Variants in EMID1 observed in about 807,000 individuals in gnomAD.
The protein encoded by EMID1 is EMI domain containing 1, also known as EMI domain-containing protein 1.
A neutral mutation model predicts 60.6 loss-of-function variants in EMID1; 40 were observed. That is an observed-to-expected ratio of 0.66 (90% confidence interval 0.51 to 0.86). The LOEUF is 0.86. EMID1 is among the 40% of genes least tolerant of loss of function. The probability of loss-of-function intolerance (pLI) is 0.00; values close to 1 mark genes in which losing one functional copy is unlikely to be tolerated. For synonymous variants in EMID1, 242 were observed against 231.0 expected (o/e 1.05, Z -0.43); for missense variants, 585 against 597.1 (o/e 0.98, Z 0.21).
At chr22:29,210,247 CA>C (rs1243152101) in intron 1 of EMID1, among the ~76,000 whole-genome samples, 1 of 112,354 alleles carries the variant, frequency 8.9e-6, no homozygotes, top group Admixed American at 1.2e-4. Flanking sequence ...ACCCACATGG[CA>C]AATTTTTTTT....
At chr22:29,231,464 C>A in intron 6 of EMID1, 129 bp from the exon 7 acceptor site, 1 of 1,024,022 alleles carries the variant, frequency 9.8e-7, no homozygotes, top group Non-Finnish European at 1.5e-6. Context: ...CCAGGGCTGC[C>A]AGGAGCCATA....
chr22:29,231,270 C>A, intron 6 of EMID1, 130 bp downstream of exon 6: 4 of 1,379,524 alleles, frequency 2.9e-6, no homozygotes, highest in Non-Finnish European at 3.9e-6. Context: ...CTTCCCATTT[C>A]CCGTTTCTTA....
At chr22:29,226,603 A>G (rs2040520092) in intron 5 of EMID1, 52 bp downstream of exon 5, 3 of 1,567,168 alleles carry the variant, frequency 1.9e-6, no homozygotes, top group South Asian at 1.2e-5. Flanking sequence ...AGGCCAGTCC[A>G]GGCAACCACC....
intron 3 of EMID1, among the ~76,000 whole-genome samples, chr22:29,223,776 T>C (rs1402514994): frequency 1.3e-5 from 2 of 152,218 alleles, no homozygotes; most frequent in Non-Finnish European, 2.9e-5. Context: ...TCAGTTTCCC[T>C]ACCTGGAAAG....
intron 1 of EMID1, among the ~76,000 whole-genome samples, chr22:29,206,432 G>C (rs1369407113): frequency 2.0e-5 from 3 of 152,232 alleles, no homozygotes; most frequent in Non-Finnish European, 4.4e-5. Context: ...CCTGTCCCTA[G>C]GGCCCCTCCC....
chr22:29,244,840 G>A lies in EMID1; in HGVS notation c.1119+1351G>A, dbSNP rs113697011. Among the ~76,000 whole-genome samples, 1,448 of 152,184 alleles carry A rather than the reference G, an allele frequency of 9.5e-3. 13 individuals carry two copies. The highest frequency in any genetic ancestry group is 0.02 in the Middle Eastern group (6 of 294). Reference sequence around the variant, plus strand: ...ACCATCACTGACAGGGGAGACATCTGGAAAATGGACAGAGTGGAGGCAGAC... The same window carrying A: ...ACCATCACTGACAGGGGAGACATCTAGAAAATGGACAGAGTGGAGGCAGAC... On this transcript the variant is annotated intron_variant, in intron 13 of 14. Coordinates refer to ENST00000334018, the MANE Select transcript of EMID1 (RefSeq NM_133455.4).
chr22:29,242,112 T>C (rs1037826574), intron 12 of EMID1, among the ~76,000 whole-genome samples: 27 of 152,124 alleles, frequency 1.8e-4, no homozygotes, highest in African/African-American at 5.8e-4. Flanking sequence ...TCATTTTTAG[T>C]AGAAATGGGG....
chr22:29,211,337 G>A (rs965108101), intron 1 of EMID1, among the ~76,000 whole-genome samples: 1 of 152,226 alleles, frequency 6.6e-6, no homozygotes, highest in Non-Finnish European at 1.5e-5. Flanking sequence ...GCCTTAGCCT[G>A]TCTGTGTGCG....
At chr22:29,233,345 C>T (rs1601978189) in intron 8 of EMID1, 34 bp from the exon 9 acceptor site, 1 of 1,610,936 alleles carries the variant, frequency 6.2e-7, no homozygotes. Flanking sequence ...CCACTCTACC[C>T]AGCTCTACTC....
At chr22:29,242,506 G>T (rs1368080865) in intron 12 of EMID1, among the ~76,000 whole-genome samples, 4 of 152,044 alleles carry the variant, frequency 2.6e-5, no homozygotes, top group Non-Finnish European at 5.9e-5. Flanking sequence ...GTCGGCTGTG[G>T]ATCTATTTCT....
intron 8 of EMID1, chr22:29,233,115 A>G (rs902293109): frequency 2.7e-5 from 14 of 520,142 alleles, no homozygotes; most frequent in Non-Finnish European, 4.2e-5. Flanking sequence ...GACAGGTGAC[A>G]GTACAGGCTC....
At chr22:29,218,907 C>T (rs1284979876) in intron 3 of EMID1, among the ~76,000 whole-genome samples, 3 of 152,202 alleles carry the variant, frequency 2.0e-5, no homozygotes, top group Non-Finnish European at 4.4e-5. Flanking sequence ...CAAGTATTGT[C>T]GCCAGGTTTC....
chr22:29,247,027 G>A lies in EMID1; in HGVS notation c.1119+3538G>A, dbSNP rs118081131. 1.1e-4 allele frequency among the ~76,000 whole-genome samples: 16 copies of A among 152,132 alleles called. No homozygotes were observed. In the East Asian group the frequency reaches 3.1e-3, roughly 29 times the overall value. ...AGACAGAGTCTCTATCGCCCAGGCT[G>A]GAGTGCAACAGCTCAATCACAGCTC... On this transcript the variant is annotated intron_variant, in intron 13 of 14. Coordinates refer to ENST00000334018, the MANE Select transcript of EMID1 (RefSeq NM_133455.4).
At position 29,215,052 on chromosome 22, in the gene EMID1, G is replaced by C. The variant is rs1568969713; in HGVS notation, c.215+13G>C. On this transcript the variant is annotated intron_variant, in intron 2 of 14. Coordinates refer to ENST00000334018, the MANE Select transcript of EMID1 (RefSeq NM_133455.4). Reference sequence around the variant, plus strand: ...GTCCGGGGAGCAGGTAAATGAGGTGGAGAAGGAACTGATGGCATTCCAGGT... The same window carrying C: ...GTCCGGGGAGCAGGTAAATGAGGTGCAGAAGGAACTGATGGCATTCCAGGT... The C allele has an allele frequency of 3.9e-6, 6 of 1,524,802 alleles. No individual in the cohort carries two copies. The highest frequency in any genetic ancestry group is 5.3e-6 in the Non-Finnish European group (6 of 1,129,000). 94.5% of individuals were successfully genotyped at this position (1,524,802 alleles called of 1,614,324 possible). A position where few individuals can be genotyped will look rare whatever the true frequency, so the allele number is the denominator to read the frequency against.
At chr22:29,213,899 C>A (rs2039985811) in intron 1 of EMID1, among the ~76,000 whole-genome samples, 1 of 152,170 alleles carries the variant, frequency 6.6e-6, no homozygotes, top group Non-Finnish European at 1.5e-5. Flanking sequence ...GGCCATCCAC[C>A]TTGCTGGGTT....
At chr22:29,209,426 A>G (rs2039800120) in intron 1 of EMID1, among the ~76,000 whole-genome samples, 1 of 152,106 alleles carries the variant, frequency 6.6e-6, no homozygotes, top group Non-Finnish European at 1.5e-5. Flanking sequence ...CAGCTTATCA[A>G]TGACCACACC....
At chr22:29,242,001 C>T (rs2041170341) in intron 12 of EMID1, among the ~76,000 whole-genome samples, 1 of 152,102 alleles carries the variant, frequency 6.6e-6, no homozygotes, top group Non-Finnish European at 1.5e-5. Context: ...GTCTTGAGCT[C>T]CTAGGCTCAA....
intron 7 of EMID1, 35 bp downstream of exon 7, chr22:29,231,717 G>A (rs2040756305): frequency 7.0e-7 from 1 of 1,433,166 alleles, no homozygotes; most frequent in Non-Finnish European, 9.2e-7. Context: ...CAGCTCCTCT[G>A]GCCATCCCCT....
chr22:29,222,873 C>T (rs543172895), intron 3 of EMID1, among the ~76,000 whole-genome samples: 4 of 152,188 alleles, frequency 2.6e-5, no homozygotes, highest in Non-Finnish European at 5.9e-5. Flanking sequence ...GGGTGGATCA[C>T]GAGGTCGGGA....
Sources: gnomAD v4.1 joint callset for allele counts (sites outside exome capture counted in the v4.1 genomes callset) on GRCh38, gnomAD v4.1.1 for gene constraint, MANE v1.5 for transcripts, NCBI Gene and HGNC (gene_info 2026-07-23, HGNC 2026-07-21) for gene names.